Variants in BANK1 observed in about 807,000 individuals in gnomAD.
BANK1 encodes the protein B cell scaffold protein with ankyrin repeats 1, also known as B-cell scaffold protein with ankyrin repeats.
BANK1 carries 95 observed loss-of-function variants against 94.5 expected under a neutral mutation model. The ratio of observed to expected loss-of-function variants is 1.00; its 90% CI spans 0.85 to 1.19. The LOEUF (loss-of-function observed/expected upper bound fraction) is 1.19. Ranked by LOEUF, BANK1 falls within the 50% of genes most tolerant of loss-of-function variation. The pLI, the probability that BANK1 is intolerant of heterozygous loss-of-function variation, is 0.00. For missense variants in BANK1, 987 were observed against 932.2 expected (o/e 1.06, Z -0.77); for synonymous variants, 334 against 308.4 (o/e 1.08, Z -0.87).
chr4:101,852,503 T>TATATACAC (rs1448887346), intron 2 of BANK1, among the ~76,000 whole-genome samples: 2 of 80,174 alleles, frequency 2.5e-5, no homozygotes, highest in African/African-American at 8.6e-5. Flanking sequence ...TATATATATA[T>TATATACAC]ACACACACAC....
At chr4:101,805,224 C>A (rs978366582) in intron 1 of BANK1, among the ~76,000 whole-genome samples, 4 of 152,164 alleles carry the variant, frequency 2.6e-5, no homozygotes, top group African/African-American at 9.6e-5. Flanking sequence ...GTCATCTAAG[C>A]AAATTATTGT....
intron 2 of BANK1, among the ~76,000 whole-genome samples, chr4:101,832,843 C>A (rs1171941144): frequency 6.6e-6 from 1 of 152,006 alleles, no homozygotes; most frequent in East Asian, 1.9e-4. Context: ...TTTCTCCTTT[C>A]CTCTTTTCCT....
intron 10 of BANK1, among the ~76,000 whole-genome samples, chr4:102,043,542 C>T (rs1727773330): frequency 6.6e-6 from 1 of 151,958 alleles, no homozygotes; most frequent in Admixed American, 6.6e-5. Flanking sequence ...TAACACAATG[C>T]AGCTTTTATT....
At chr4:102,036,198 A>G (rs79235840) in intron 10 of BANK1, among the ~76,000 whole-genome samples, 38 of 152,338 alleles carry the variant, frequency 2.5e-4, no homozygotes, top group Non-Finnish European at 4.9e-4. Context: ...TTGCAGTGCA[A>G]CAAAGTTGTA....
chr4:101,888,723 A>G (rs1393162866), intron 5 of BANK1, among the ~76,000 whole-genome samples: 2 of 152,232 alleles, frequency 1.3e-5, no homozygotes, highest in African/African-American at 2.4e-5. Context: ...AAAGTTAGAG[A>G]TAGCTTATAT....
intron 1 of BANK1, among the ~76,000 whole-genome samples, chr4:101,827,922 A>G (rs902087987): frequency 1.3e-5 from 2 of 151,978 alleles, no homozygotes; most frequent in African/African-American, 4.8e-5. Flanking sequence ...GCTATTATCT[A>G]TTGTCTTCCT....
chr4:101,889,416 G>A (rs1489497156), intron 5 of BANK1, among the ~76,000 whole-genome samples: 3 of 151,676 alleles, frequency 2.0e-5, no homozygotes, highest in Non-Finnish European at 4.4e-5. Flanking sequence ...GGCTAACAAG[G>A]TGAAACCCCG....
chr4:102,012,946 G>GT (rs1235084137), intron 7 of BANK1, among the ~76,000 whole-genome samples: 25 of 152,104 alleles, frequency 1.6e-4, no homozygotes, highest in Admixed American at 1.3e-4. Context: ...TTTCTATGTA[G>GT]TTTTTTTCCA....
chr4:102,031,202 A>C (rs6843003), intron 10 of BANK1, among the ~76,000 whole-genome samples: 2,081 of 152,138 alleles, frequency 0.014, 52 homozygotes, highest in African/African-American at 0.048. Flanking sequence ...GATGATGAGC[A>C]TTTTTTCAAG....
At position 102,030,249 on chromosome 4, in the gene BANK1, A is replaced by G. The variant is rs1334465822; in HGVS notation, c.1884A>G (p.Thr628=). ...GTATACCTCCAAAAGAGGAAACTAC[A>G]CCTTACATAGCTCAAGGTAATTATC... ...PTSIPPKEET[T]PYIAQVFQQK... The change falls in exon 10 of 17, where the codon ACA becomes ACG. Residue 628 remains threonine (T), a synonymous_variant. Transcript: ENST00000322953. 6.3e-7 allele frequency: 1 copy of G among 1,583,452 alleles called. No homozygotes were observed. Among genetic ancestry groups the G allele is most frequent in the Non-Finnish European group, 8.5e-7 (1 of 1,171,708 alleles).
chr4:101,894,763 G>A (rs1282815030), intron 5 of BANK1, among the ~76,000 whole-genome samples: 1 of 151,916 alleles, frequency 6.6e-6, no homozygotes, highest in Non-Finnish European at 1.5e-5. Context: ...AGATGCTTAG[G>A]TTAGAGAAAT....
At chr4:101,856,241 T>C (rs1432171715) in intron 3 of BANK1, among the ~76,000 whole-genome samples, 1 of 152,190 alleles carries the variant, frequency 6.6e-6, no homozygotes, top group Non-Finnish European at 1.5e-5. Flanking sequence ...GAAGAATTGC[T>C]GTTTTAAGCT....
intron 6 of BANK1, among the ~76,000 whole-genome samples, chr4:101,895,628 T>C (rs1329351229): frequency 6.6e-6 from 1 of 151,894 alleles, no homozygotes; most frequent in East Asian, 1.9e-4. Context: ...ACGTAACTTT[T>C]GCAATTAAAA....
chr4:101,837,170 T>C (rs920195661), intron 2 of BANK1, among the ~76,000 whole-genome samples: 2 of 152,220 alleles, frequency 1.3e-5, no homozygotes, highest in Non-Finnish European at 2.9e-5. Flanking sequence ...CTTACTTTGA[T>C]TGTTCACAAA....
intron 7 of BANK1, among the ~76,000 whole-genome samples, chr4:101,936,505 A>T (rs567299602): frequency 6.6e-6 from 1 of 150,558 alleles, no homozygotes; most frequent in Non-Finnish European, 1.5e-5. Context: ...TATGTATAAG[A>T]TGTATACATG....
chr4:101,933,309 GGA>G (rs142390313), intron 7 of BANK1, among the ~76,000 whole-genome samples: 3,696 of 124,676 alleles, frequency 0.03, 169 homozygotes, highest in African/African-American at 0.096. Flanking sequence ...CGGTAAGAAA[GGA>G]GAAAAAAAAA....
At chr4:101,887,030 G>T (rs949076172) in intron 5 of BANK1, among the ~76,000 whole-genome samples, 2 of 152,182 alleles carry the variant, frequency 1.3e-5, no homozygotes, top group Admixed American at 6.5e-5. Context: ...CAATGGCATG[G>T]CATGGCAGTG....
chr4:101,917,712 T>G (rs986847522), intron 6 of BANK1, among the ~76,000 whole-genome samples: 1 of 151,906 alleles, frequency 6.6e-6, no homozygotes, highest in Non-Finnish European at 1.5e-5. Context: ...TTTCTTTCTT[T>G]TTTTTTCATT....
intron 13 of BANK1, among the ~76,000 whole-genome samples, chr4:102,065,587 A>G (rs1015389250): frequency 2.0e-5 from 3 of 152,096 alleles, no homozygotes; most frequent in African/African-American, 7.2e-5. Context: ...AAGAAACTAT[A>G]GACGGAACCT....
Sources: gnomAD v4.1 joint callset for allele counts (sites outside exome capture counted in the v4.1 genomes callset) on GRCh38, gnomAD v4.1.1 for gene constraint, MANE v1.5 for transcripts, NCBI Gene and HGNC (gene_info 2026-07-23, HGNC 2026-07-21) for gene names.